The following AK8 variants were observed in gnomAD, a reference collection of about 807,000 sequenced individuals.
AK8 encodes adenylate kinase 8, also known as ATP-AMP transphosphorylase 8.
Under a neutral mutation model 54.6 loss-of-function variants are expected in AK8, and 44 were observed. The observed-to-expected ratio is 0.81, with a 90% confidence interval of 0.63 to 1.04. The LOEUF (loss-of-function observed/expected upper bound fraction) is 1.04, where lower values mean the gene tolerates loss of function less well. AK8 is among the 50% of genes least tolerant of loss of function. The pLI is 0.00. For synonymous variants in AK8, 239 were observed against 245.6 expected (o/e 0.97, Z 0.25); for missense variants, 555 against 613.6 (o/e 0.90, Z 1.01).
chr9:132,852,376 G>C (rs572401697), intron 5 of AK8, among the ~76,000 whole-genome samples: 1 of 152,148 alleles, frequency 6.6e-6, no homozygotes, highest in Non-Finnish European at 1.5e-5. Context: ...TTGGAAGGTC[G>C]AGGCGGGTGG....
chr9:132,814,416 AC>A (rs1011527722), intron 10 of AK8, among the ~76,000 whole-genome samples: 1 of 151,898 alleles, frequency 6.6e-6, no homozygotes, highest in East Asian at 1.9e-4. Flanking sequence ...ATCAGGGATA[AC>A]CCCCCCACAT....
At chr9:132,823,468 G>A (rs1019252336) in intron 8 of AK8, 132 bp from the exon 9 acceptor site, 3 of 1,291,654 alleles carry the variant, frequency 2.3e-6, no homozygotes, top group East Asian at 2.5e-5. Flanking sequence ...GAAGCCCTCT[G>A]TGCATCTGGC....
At chr9:132,865,155 G>A (rs1843535476) in intron 3 of AK8, among the ~76,000 whole-genome samples, 1 of 152,194 alleles carries the variant, frequency 6.6e-6, no homozygotes, top group South Asian at 2.1e-4. Flanking sequence ...CAGCAAAATG[G>A]TTGGACTCAG....
chr9:132,777,945 G>A (rs1002458524), intron 11 of AK8, among the ~76,000 whole-genome samples: 1 of 152,206 alleles, frequency 6.6e-6, no homozygotes, highest in Admixed American at 6.5e-5. Flanking sequence ...TGCCCGATTT[G>A]AGGCAAAAAC....
intron 4 of AK8, among the ~76,000 whole-genome samples, chr9:132,857,954 C>T (rs913731478): frequency 6.6e-6 from 1 of 152,218 alleles, no homozygotes; most frequent in Non-Finnish European, 1.5e-5. Flanking sequence ...TAGCAGGAAT[C>T]AGCCTCCCTC....
intron 9 of AK8, among the ~76,000 whole-genome samples, chr9:132,816,341 G>T (rs1178797171): frequency 6.6e-5 from 10 of 150,380 alleles, no homozygotes; most frequent in African/African-American, 2.2e-4. Flanking sequence ...GGTGACAGAG[G>T]GAGACTTTGT....
intron 11 of AK8, among the ~76,000 whole-genome samples, chr9:132,757,427 T>C (rs1186138333): frequency 6.6e-6 from 1 of 152,236 alleles, no homozygotes; most frequent in Non-Finnish European, 1.5e-5. Context: ...GTACCCACTC[T>C]CTTATAGAAC....
rs1309436576 is a variant in AK8, at chr9:132,799,093, G to A, written c.980-6318C>T. Among the ~76,000 whole-genome samples the A allele has an allele frequency of 6.6e-6, 1 of 152,180 alleles. No individual in the cohort carries two copies. The highest frequency in any genetic ancestry group is 2.4e-5 in the African/African-American group (1 of 41,450). ...TCCAGAGCTGATGGGTGTGAGTAGG[G>A]AAGGGCTCGGAGAGAGCACCCAGGC... On this transcript the variant is annotated intron_variant, in intron 10 of 12. Coordinates refer to ENST00000298545, the MANE Select transcript of AK8 (RefSeq NM_152572.3). This position sits in a 1 kb window ranked among gnomAD's most constrained non-coding sequence, Gnocchi z 5.0.
chr9:132,878,139 C>T lies in AK8; in HGVS notation c.84+33G>A. On this transcript the variant is annotated intron_variant, in intron 1 of 12. Coordinates refer to ENST00000298545, the MANE Select transcript of AK8 (RefSeq NM_152572.3). The surrounding 1 kb of genome is among the most constrained non-coding windows in gnomAD (Gnocchi z 4.7). ...CGCAGTGGAGGCTCCCGAGCCGCCGCCAGCGTCGCGACGGGCAGGGGTGTC... is the reference window on the plus strand; with the variant it reads ...CGCAGTGGAGGCTCCCGAGCCGCCGTCAGCGTCGCGACGGGCAGGGGTGTC... The T allele has an allele frequency of 6.5e-7, 1 of 1,535,752 alleles. No homozygotes were observed. The highest frequency in any genetic ancestry group is 8.8e-7 in the Non-Finnish European group (1 of 1,140,850).
intron 4 of AK8, 114 bp from the exon 5 acceptor site, chr9:132,855,039 C>A (rs1225824182): frequency 1.0e-5 from 11 of 1,064,984 alleles, no homozygotes; most frequent in Non-Finnish European, 1.4e-5. Context: ...CACCGACCAC[C>A]ATCGGGCCCC....
At chr9:132,831,395 A>G (rs1842094889) in intron 5 of AK8, among the ~76,000 whole-genome samples, 1 of 152,176 alleles carries the variant, frequency 6.6e-6, no homozygotes, top group African/African-American at 2.4e-5. Context: ...AATGTTCACA[A>G]TAAACAATTT....
chr9:132,760,511 T>C lies in AK8; in HGVS notation c.1121+32123A>G, dbSNP rs57754347. 4.7e-3 allele frequency among the ~76,000 whole-genome samples: 711 copies of C among 152,374 alleles called. 6 individuals are homozygous for C. The highest frequency in any genetic ancestry group is 0.016 in the African/African-American group (667 of 41,586). ...CATAAATTCTTTGGGGCTTTCTTAA[T>C]GTAGATAATCATAACACCTGCCAAT... On this transcript the variant is annotated intron_variant, in intron 11 of 12. Transcript: ENST00000298545.
chr9:132,863,658 G>A lies in AK8; in HGVS notation c.333+7C>T. The A allele has an allele frequency of 6.2e-7, 1 of 1,606,170 alleles. No individual in the cohort carries two copies. The highest frequency in any genetic ancestry group is 8.5e-7 in the Non-Finnish European group (1 of 1,173,602). On this transcript the variant is annotated splice_region_variant and intron_variant, in intron 4 of 12. Transcript: ENST00000298545. ...GTGCCTACCCCTGTCCCCGGGGCCA[G>A]TCCTACCTTCCTTTGCAGATAAAGC...
chr9:132,809,019 G>T (rs1268322675), intron 10 of AK8, among the ~76,000 whole-genome samples: 2 of 152,184 alleles, frequency 1.3e-5, no homozygotes, highest in African/African-American at 4.8e-5. Context: ...GAGATGCTAG[G>T]GGCCTCTGCC....
intron 11 of AK8, among the ~76,000 whole-genome samples, chr9:132,741,555 C>T (rs1837394066): frequency 6.6e-6 from 1 of 152,184 alleles, no homozygotes; most frequent in Non-Finnish European, 1.5e-5. Context: ...CTCAGATCCC[C>T]CTTCCAGAAA....
chr9:132,854,798 AC>A (rs1843111684), intron 5 of AK8, 58 bp downstream of exon 5: 14 of 1,577,232 alleles, frequency 8.9e-6, no homozygotes, highest in Non-Finnish European at 1.2e-5. Context: ...AGATGAACAC[AC>A]GCCCTTCACC....
intron 9 of AK8, among the ~76,000 whole-genome samples, chr9:132,818,193 C>T (rs1164846214): frequency 6.6e-6 from 1 of 152,162 alleles, no homozygotes. Flanking sequence ...CACCAGCACA[C>T]TTTCACTACA....
rs376975843 is a variant in AK8, at chr9:132,746,859, G to C, written c.1122-19325C>G. On this transcript the variant is annotated intron_variant, in intron 11 of 12. Transcript: ENST00000298545. Reference sequence around the variant, plus strand: ...CATTAAAAGAAAGTAAGTTCACTTGGTCTAAAATATTTAATTGGGGCCTAA... The same window carrying C: ...CATTAAAAGAAAGTAAGTTCACTTGCTCTAAAATATTTAATTGGGGCCTAA... Among the ~76,000 whole-genome samples, 179 of 152,302 alleles carry C rather than the reference G, an allele frequency of 1.2e-3. 4 individuals are homozygous for C. In the Middle Eastern group the frequency reaches 0.02, roughly 17 times the overall value.
rs530199608 is a variant in AK8 at position 132,731,096 on chromosome 9, A to G, written c.1122-3562T>C. 7.2e-5 allele frequency among the ~76,000 whole-genome samples: 11 copies of G among 152,330 alleles called. No individual in the cohort carries two copies. In the South Asian group the frequency reaches 2.1e-3, roughly 29 times the overall value. The stretch of plus-strand genomic sequence containing the variant: ...CACAATCCCAAACGCCGAAATCCTG[A>G]AAGCTCAAAATCCCTAAAGTCTAAA... On this transcript the variant is annotated intron_variant, in intron 11 of 12. Coordinates refer to ENST00000298545, the MANE Select transcript of AK8 (RefSeq NM_152572.3).
Sources: gnomAD v4.1 joint callset for allele counts (sites outside exome capture counted in the v4.1 genomes callset) on GRCh38, gnomAD v4.1.1 for gene constraint, Gnocchi (gnomAD v3.1) non-coding constraint, MANE v1.5 for transcripts, NCBI Gene and HGNC (gene_info 2026-07-23, HGNC 2026-07-21) for gene names.